The following ABI1 variants were observed in gnomAD, a reference collection of about 807,000 sequenced individuals.
ABI1 encodes the protein Abelson interactor 1.
In ABI1, 14 loss-of-function variants were observed where a neutral mutation model predicts 54.6. The observed-to-expected ratio is 0.26, with a 90% CI of 0.17 to 0.40. ABI1 has a LOEUF of 0.40. Ranked by LOEUF, ABI1 falls within the 10% of genes least tolerant of loss-of-function variation. The pLI, the probability that ABI1 is intolerant of heterozygous loss-of-function variation, is 1.00. For missense variants in ABI1, 443 were observed against 598.3 expected, an observed-to-expected ratio of 0.74 and a Z score of 2.71; for synonymous variants, 194 against 209.3, an observed-to-expected ratio of 0.93 and a Z score of 0.63.
intron 1 of ABI1, among the ~76,000 whole-genome samples, chr10:26,854,651 C>T (rs2050673028): frequency 6.6e-6 from 1 of 152,168 alleles, no homozygotes; most frequent in Non-Finnish European, 1.5e-5. Flanking sequence ...TTCCAACCTA[C>T]ATCTCTAACT....
chr10:26,752,286 T>C (rs971631062), intron 9 of ABI1, among the ~76,000 whole-genome samples: 1 of 152,216 alleles, frequency 6.6e-6, no homozygotes, highest in Admixed American at 6.5e-5. Flanking sequence ...TTGTTGATTA[T>C]TGTTTGTTTT....
chr10:26,765,456 G>C lies in ABI1; in HGVS notation c.720-138C>G, dbSNP rs367883555. The C allele has an allele frequency of 4.9e-4, 323 of 661,570 alleles. 3 individuals are homozygous for C. The African/African-American group carries it at 5.4e-3, about 11-fold the overall frequency. 41.0% of individuals were successfully genotyped at this position (661,570 alleles called of 1,614,324 possible). On this transcript the variant is annotated intron_variant, in intron 6 of 10. Transcript: ENST00000376140. The stretch of plus-strand genomic sequence containing the variant: ...AGTATCCTTGGAGGACTGGTTTCAA[G>C]AGCCCCCTTGGATACCAAAACCCAT...
chr10:26,784,361 G>A (rs1404277587), intron 2 of ABI1, among the ~76,000 whole-genome samples: 2 of 152,182 alleles, frequency 1.3e-5, no homozygotes, highest in African/African-American at 2.4e-5. Flanking sequence ...TTGAGTTGGT[G>A]GCACAGATAA....
At chr10:26,818,115 T>C (rs4581345) in intron 2 of ABI1, among the ~76,000 whole-genome samples, 48,305 of 131,842 alleles carry the variant, frequency 0.37, 8,843 homozygotes, top group East Asian at 0.59. Context: ...GCCAAGATGG[T>C]GCCACTGCAC....
At chr10:26,811,627 C>T (rs543784804) in intron 2 of ABI1, among the ~76,000 whole-genome samples, 33 of 152,074 alleles carry the variant, frequency 2.2e-4, no homozygotes, top group Non-Finnish European at 3.5e-4. Flanking sequence ...AGAAATTTTT[C>T]GTGTTTTCCT....
At chr10:26,776,200 C>A (rs1304950495) in intron 3 of ABI1, among the ~76,000 whole-genome samples, 1 of 152,122 alleles carries the variant, frequency 6.6e-6, no homozygotes, top group Non-Finnish European at 1.5e-5. Context: ...GAATAAAGGT[C>A]AATGCTGTCA....
chr10:26,855,894 C>T (rs1249507884), intron 1 of ABI1, among the ~76,000 whole-genome samples: 4 of 150,682 alleles, frequency 2.7e-5, no homozygotes, highest in South Asian at 2.1e-4. Flanking sequence ...TCACTTGAAC[C>T]CAGGAGGCGG....
At chr10:26,823,974 A>G (rs913327308) in intron 1 of ABI1, among the ~76,000 whole-genome samples, 1 of 152,192 alleles carries the variant, frequency 6.6e-6, no homozygotes, top group Non-Finnish European at 1.5e-5. Flanking sequence ...AATGAAAAAA[A>G]AAAAGGCTAT....
At chr10:26,810,363 G>C (rs933258539) in intron 2 of ABI1, among the ~76,000 whole-genome samples, 1 of 151,832 alleles carries the variant, frequency 6.6e-6, no homozygotes, top group African/African-American at 2.4e-5. Flanking sequence ...AAAATTTCTG[G>C]CTCCTTAAGG....
intron 1 of ABI1, among the ~76,000 whole-genome samples, chr10:26,852,918 A>G (rs1478183227): frequency 1.3e-5 from 2 of 152,214 alleles, no homozygotes; most frequent in Non-Finnish European, 2.9e-5. Flanking sequence ...ATTACAAAAA[A>G]TTAGCTGGGT....
chr10:26,848,052 T>G (rs1426388004), intron 1 of ABI1, among the ~76,000 whole-genome samples: 2 of 151,608 alleles, frequency 1.3e-5, no homozygotes, highest in Non-Finnish European at 2.9e-5. Context: ...ACCCAAAAAA[T>G]TAGCTGGGCA....
intron 2 of ABI1, among the ~76,000 whole-genome samples, chr10:26,797,090 T>C (rs779998078): frequency 9.9e-5 from 15 of 152,208 alleles, no homozygotes; most frequent in Non-Finnish European, 2.2e-4. Flanking sequence ...CATAACGTCA[T>C]GTTGTAAACC....
At chr10:26,768,415 G>T (rs112375155) in intron 6 of ABI1, among the ~76,000 whole-genome samples, 1 of 151,626 alleles carries the variant, frequency 6.6e-6, no homozygotes, top group African/African-American at 2.4e-5. Context: ...GCTCAGGCCT[G>T]TAATCCCAGC....
intron 1 of ABI1, among the ~76,000 whole-genome samples, chr10:26,844,476 G>A (rs1030195952): frequency 2.0e-5 from 3 of 152,184 alleles, no homozygotes; most frequent in African/African-American, 7.2e-5. Context: ...TGCACCTCAT[G>A]CCACAACAGT....
intron 1 of ABI1, among the ~76,000 whole-genome samples, chr10:26,842,616 C>G (rs912117755): frequency 3.3e-5 from 5 of 152,112 alleles, no homozygotes; most frequent in Non-Finnish European, 7.4e-5. Context: ...AGGCCATTAG[C>G]TATTGATATA....
intron 1 of ABI1, among the ~76,000 whole-genome samples, chr10:26,850,361 G>A (rs935709460): frequency 2.7e-4 from 41 of 152,006 alleles, no homozygotes; most frequent in African/African-American, 9.6e-4. Flanking sequence ...GATAGAACCC[G>A]CCTAAAAAAC....
intron 2 of ABI1, among the ~76,000 whole-genome samples, chr10:26,818,343 G>T (rs968271498): frequency 1.5e-4 from 23 of 151,412 alleles, no homozygotes; most frequent in African/African-American, 5.4e-4. Context: ...TAATGGCTAG[G>T]CACAGTGGCT....
At chr10:26,750,875 G>C (rs1330757447) in intron 10 of ABI1, among the ~76,000 whole-genome samples, 2 of 152,092 alleles carry the variant, frequency 1.3e-5, no homozygotes, top group African/African-American at 2.4e-5. Flanking sequence ...TTAGACTTTA[G>C]AGTAGTTCAT....
intron 2 of ABI1, among the ~76,000 whole-genome samples, chr10:26,820,081 G>C (rs1410098550): frequency 6.6e-6 from 1 of 152,208 alleles, no homozygotes. Context: ...TTTCAGCTAT[G>C]CAGGATGAAT....
Sources: gnomAD v4.1 joint callset for allele counts (sites outside exome capture counted in the v4.1 genomes callset) on GRCh38, gnomAD v4.1.1 for gene constraint, MANE v1.5 for transcripts, NCBI Gene and HGNC (gene_info 2026-07-23, HGNC 2026-07-21) for gene names.